Variants in ADAMTS6 observed in about 807,000 individuals in gnomAD.
ADAMTS6 encodes the protein ADAM metallopeptidase with thrombospondin type 1 motif 6, also known as A disintegrin and metalloproteinase with thrombospondin motifs 6.
In ADAMTS6, 23 loss-of-function variants were observed where a neutral mutation model predicts 144.3. The ratio of observed to expected loss-of-function variants is 0.16; its 90% CI spans 0.11 to 0.23. The LOEUF (loss-of-function observed/expected upper bound fraction) is 0.23, where lower values mean the gene tolerates loss of function less well. Among genes scored for constraint, ADAMTS6 ranks in the 10% least tolerant of loss-of-function variants. The pLI is 1.00. For synonymous variants in ADAMTS6, 444 were observed against 457.5 expected (o/e 0.97, Z 0.38); for missense variants, 999 against 1,379.6 (o/e 0.72, Z 4.37).
At chr5:65,331,073 TA>T (rs1254989990) in intron 8 of ADAMTS6, among the ~76,000 whole-genome samples, 3 of 152,064 alleles carry the variant, frequency 2.0e-5, no homozygotes, top group African/African-American at 4.8e-5. Context: ...ATACCTGAAA[TA>T]TTTTTTTAAA....
intron 2 of ADAMTS6, among the ~76,000 whole-genome samples, chr5:65,472,935 A>G (rs1760575337): frequency 6.6e-6 from 1 of 152,144 alleles, no homozygotes; most frequent in African/African-American, 2.4e-5. Flanking sequence ...TGGGAGGGAA[A>G]TCCAAAAGGT....
chr5:65,426,366 T>C (rs1010839565), intron 7 of ADAMTS6, among the ~76,000 whole-genome samples: 2 of 152,190 alleles, frequency 1.3e-5, no homozygotes, highest in Middle Eastern at 3.4e-3. Context: ...GACTAAGTTG[T>C]GCTTCTAAAT....
intron 22 of ADAMTS6, among the ~76,000 whole-genome samples, chr5:65,177,049 A>G (rs542130064): frequency 3.3e-5 from 5 of 152,316 alleles, no homozygotes; most frequent in Admixed American, 3.3e-4. Flanking sequence ...CCAGTAAACC[A>G]GCACCAGCCT....
At chr5:65,224,449 AGTATTTG>A (rs780030812) in intron 17 of ADAMTS6, 49 bp from the exon 18 acceptor site, 1 of 1,461,368 alleles carries the variant, frequency 6.8e-7, no homozygotes, top group South Asian at 1.1e-5. Context: ...TCAGGAAATG[AGTATTTG>A]GTAACCATTC....
At chr5:65,268,689 C>A (rs1275142701) in intron 12 of ADAMTS6, among the ~76,000 whole-genome samples, 1 of 152,064 alleles carries the variant, frequency 6.6e-6, no homozygotes, top group African/African-American at 2.4e-5. Context: ...GATGTCAGAC[C>A]CCCCAGGACT....
At chr5:65,264,654 A>C (rs1353962405) in intron 12 of ADAMTS6, among the ~76,000 whole-genome samples, 1 of 152,102 alleles carries the variant, frequency 6.6e-6, no homozygotes, top group Admixed American at 6.6e-5. Flanking sequence ...CTCAAGAGTC[A>C]CTTGTGGCTA....
At chr5:65,410,717 A>C (rs1257804906) in intron 7 of ADAMTS6, among the ~76,000 whole-genome samples, 1 of 151,970 alleles carries the variant, frequency 6.6e-6, no homozygotes, top group African/African-American at 2.4e-5. Context: ...TTTACTCTCT[A>C]TTTCTATGAC....
chr5:65,414,968 GA>G (rs777754551), intron 7 of ADAMTS6, among the ~76,000 whole-genome samples: 2 of 151,732 alleles, frequency 1.3e-5, no homozygotes, highest in African/African-American at 2.4e-5. Flanking sequence ...AGTAATGAAA[GA>G]AAAAAACAGG....
intron 9 of ADAMTS6, among the ~76,000 whole-genome samples, chr5:65,325,555 T>C (rs1478183764): frequency 1.3e-5 from 2 of 151,558 alleles, no homozygotes; most frequent in South Asian, 2.1e-4. Context: ...GGTGGCATGA[T>C]CACGATCATG....
At chr5:65,371,665 GA>G (rs1750935691) in intron 7 of ADAMTS6, among the ~76,000 whole-genome samples, 1 of 152,128 alleles carries the variant, frequency 6.6e-6, no homozygotes, top group Non-Finnish European at 1.5e-5. Context: ...TGAAAGTGAC[GA>G]GGAGAATGGA....
Position 65,242,168 on chromosome 5 carries a change from C to T in ADAMTS6, c.1869G>A (p.Gln623=), listed in dbSNP as rs1250936906. Residue 623 remains glutamine, a synonymous_variant, in exon 15 of 25, where the codon CAG becomes CAA. Transcript: ENST00000381055. ...PLGSRDFREK[Q]CADFDNMPFR... ...AAGGCATATTGTCAAAGTCTGCACACTGTTTCTCTCGAAAATCTCGGGAAC... is the reference window on the plus strand; with the variant it reads ...AAGGCATATTGTCAAAGTCTGCACATTGTTTCTCTCGAAAATCTCGGGAAC... 5 of 1,602,298 alleles carry T rather than the reference C, an allele frequency of 3.1e-6. No individual in the cohort carries two copies. The African/African-American group carries it at 4.0e-5, about 13-fold the overall frequency.
chr5:65,258,159 C>T (rs1378460389), intron 14 of ADAMTS6, among the ~76,000 whole-genome samples: 1 of 151,780 alleles, frequency 6.6e-6, no homozygotes, highest in Non-Finnish European at 1.5e-5. Context: ...ATTAGGAGTC[C>T]TAGAGTTGTA....
At chr5:65,406,225 A>G (rs557267469) in intron 7 of ADAMTS6, among the ~76,000 whole-genome samples, 55 of 152,258 alleles carry the variant, frequency 3.6e-4, no homozygotes, top group South Asian at 1.5e-3. Context: ...GTCTTGCACC[A>G]GTTTTCCAAG....
At chr5:65,154,847 AATAT>A (rs1333586023) in intron 24 of ADAMTS6, among the ~76,000 whole-genome samples, 1 of 152,232 alleles carries the variant, frequency 6.6e-6, no homozygotes. Context: ...TGTCAAAATA[AATAT>A]AGTCTCAGAA....
intron 7 of ADAMTS6, among the ~76,000 whole-genome samples, chr5:65,441,299 A>G (rs1757839854): frequency 6.6e-6 from 1 of 152,208 alleles, no homozygotes. Flanking sequence ...TACACAGAGA[A>G]GAGAGACTTT....
chr5:65,248,680 G>A (rs1759863289), intron 14 of ADAMTS6, among the ~76,000 whole-genome samples: 1 of 151,920 alleles, frequency 6.6e-6, no homozygotes, highest in African/African-American at 2.4e-5. Context: ...CCAGCTACTT[G>A]GGAGGTTGAG....
chr5:65,461,432 T>C lies in ADAMTS6; in HGVS notation c.463-1094A>G, dbSNP rs560749640. On this transcript the variant is annotated intron_variant, in intron 3 of 24. Transcript: ENST00000381055. Reference sequence around the variant, plus strand: ...GTGTCCCACATGTAATAGGTATAAATAGAACTTTGTTGATGAAAAATGAGA... The same window carrying C: ...GTGTCCCACATGTAATAGGTATAAACAGAACTTTGTTGATGAAAAATGAGA... Among the ~76,000 whole-genome samples, 358 of 152,350 alleles carry C rather than the reference T, an allele frequency of 2.3e-3. 5 individuals carry two copies. The highest frequency in any genetic ancestry group is 7.6e-3 in the African/African-American group (317 of 41,582).
intron 7 of ADAMTS6, among the ~76,000 whole-genome samples, chr5:65,401,933 T>C (rs563311037): frequency 1.3e-5 from 2 of 152,120 alleles, no homozygotes; most frequent in Non-Finnish European, 2.9e-5. Flanking sequence ...CACTACCACA[T>C]GTCGTAACTC....
chr5:65,381,668 G>T (rs536364164), intron 7 of ADAMTS6, among the ~76,000 whole-genome samples: 8 of 150,726 alleles, frequency 5.3e-5, no homozygotes, highest in Non-Finnish European at 1.0e-4. Flanking sequence ...TTACAAGTGT[G>T]AGCCACTATG....
Sources: gnomAD v4.1 joint callset for allele counts (sites outside exome capture counted in the v4.1 genomes callset) on GRCh38, gnomAD v4.1.1 for gene constraint, MANE v1.5 for transcripts, NCBI Gene and HGNC (gene_info 2026-07-23, HGNC 2026-07-21) for gene names.